KATNAL2: variants seen among roughly 807,000 people sequenced by gnomAD.
KATNAL2 encodes the protein katanin p60 ATPase-containing subunit A-like 2.
In KATNAL2, 52 loss-of-function variants were observed where a neutral mutation model predicts 76.3. That is an observed-to-expected ratio of 0.68 (90% CI 0.55 to 0.86). The LOEUF is 0.86. Ranked by LOEUF, KATNAL2 falls within the 40% of genes least tolerant of loss-of-function variation. The pLI is 0.00. For synonymous variants in KATNAL2, 243 were observed against 244.2 expected, an observed-to-expected ratio of 1.00 and a Z score of 0.05; for missense variants, 660 against 668.9, an observed-to-expected ratio of 0.99 and a Z score of 0.15.
At chr18:47,069,453 C>G in intron 12 of KATNAL2, 29 bp from the exon 13 acceptor site, 1 of 1,546,376 alleles carries the variant, frequency 6.5e-7, no homozygotes, top group East Asian at 2.3e-5. Flanking sequence ...GTTGAAATGC[C>G]TGCTCATCTT....
chr18:47,098,874 C>G (rs12953864), intron 15 of KATNAL2: 101,212 of 180,472 alleles, frequency 0.56, 28,716 homozygotes, highest in Middle Eastern at 0.61. Flanking sequence ...CAACTGCAAT[C>G]AGAATACTCA....
At chr18:47,045,329 C>CTTTTCTTTTCTTTT in intron 3 of KATNAL2, among the ~76,000 whole-genome samples, 1 of 139,520 alleles carries the variant, frequency 7.2e-6, no homozygotes, top group African/African-American at 2.6e-5. Context: ...CTTTTCTTTT[C>CTTTTCTTTTCTTTT]TTTTTTTTTT....
intron 4 of KATNAL2, among the ~76,000 whole-genome samples, chr18:47,049,392 A>C (rs2061271054): frequency 6.6e-6 from 1 of 152,214 alleles, no homozygotes; most frequent in Non-Finnish European, 1.5e-5. Context: ...ACTTAAAGAA[A>C]CTGGAATGTG....
rs538241202 is a variant in KATNAL2, at chr18:47,044,629, C to T, written c.52-1828C>T. 3.3e-4 allele frequency among the ~76,000 whole-genome samples: 50 copies of T among 151,864 alleles called. No homozygotes were observed. In the South Asian group the frequency reaches 3.3e-3, roughly 10 times the overall value. ...TACAGAAATTAGCCGGGTGTGGTAG[C>T]GGGCTTCTGTAATCCCAGCTACTCA... On this transcript the variant is annotated intron_variant, in intron 3 of 17. Coordinates refer to ENST00000683218, the MANE Select transcript of KATNAL2 (RefSeq NM_001387690.1).
At chr18:47,031,594 A>C (rs565183055) in intron 3 of KATNAL2, among the ~76,000 whole-genome samples, 3 of 152,164 alleles carry the variant, frequency 2.0e-5, no homozygotes, top group African/African-American at 4.8e-5. Context: ...ACTTCCAGCT[A>C]CTTCTCCAGG....
intron 2 of KATNAL2, 30 bp from the exon 3 acceptor site, chr18:46,946,824 A>G (rs1297985869): frequency 2.0e-6 from 3 of 1,524,196 alleles, no homozygotes; most frequent in Admixed American, 3.9e-5. Flanking sequence ...CGGTCAGCCC[A>G]GTAACTGACT....
At chr18:47,073,190 A>C (rs537123191) in intron 13 of KATNAL2, among the ~76,000 whole-genome samples, 7 of 152,258 alleles carry the variant, frequency 4.6e-5, no homozygotes, top group African/African-American at 1.4e-4. Context: ...TAAAATAAAC[A>C]TTTGTCAATC....
intron 8 of KATNAL2, 82 bp downstream of exon 8, chr18:47,059,736 G>A: frequency 2.9e-6 from 3 of 1,034,670 alleles, no homozygotes; most frequent in South Asian, 2.7e-5. Context: ...CATTATTTTT[G>A]TCAAACAGGA....
chr18:47,098,284 GAAGA>G (rs1461790301), intron 15 of KATNAL2: 3 of 295,916 alleles, frequency 1.0e-5, no homozygotes, highest in Non-Finnish European at 1.4e-5. Context: ...CCAAGACTGG[GAAGA>G]AAAAAAAATT....
intron 1 of KATNAL2, among the ~76,000 whole-genome samples, chr18:46,925,315 C>T (rs546104391): frequency 7.9e-4 from 120 of 152,192 alleles, no homozygotes; most frequent in Non-Finnish European, 1.4e-3. Context: ...TTGTCAAAGG[C>T]CTTTTCTGCA....
Position 46,917,928 on chromosome 18 carries a change from T to C in KATNAL2, c.-510+2T>C, listed in dbSNP as rs1241824282. The C allele has an allele frequency of 6.6e-6, 1 of 152,164 alleles. No homozygotes were observed. The highest frequency in any genetic ancestry group is 2.4e-5 in the African/African-American group (1 of 41,426). 9.4% of individuals were successfully genotyped at this position (152,164 alleles called of 1,614,324 possible). A position where few individuals can be genotyped will look rare whatever the true frequency, so the allele number is the denominator to read the frequency against. ...GAATAATCTAAATATGGGTGTTGGGTAAGCTATTGTTCCCATCTAATGGTG... is the reference window on the plus strand; with the variant it reads ...GAATAATCTAAATATGGGTGTTGGGCAAGCTATTGTTCCCATCTAATGGTG... On this transcript the variant is annotated splice_donor_variant, in intron 1 of 17. Coordinates refer to ENST00000683218, the MANE Select transcript of KATNAL2 (RefSeq NM_001387690.1). LOFTEE classifies it low-confidence loss of function (5UTR_SPLICE).
intron 13 of KATNAL2, among the ~76,000 whole-genome samples, 168 bp from the exon 14 acceptor site, chr18:47,075,109 T>C (rs897289867): frequency 3.3e-5 from 5 of 152,168 alleles, no homozygotes; most frequent in African/African-American, 9.7e-5. Context: ...TCCAACCCCA[T>C]GGGGTGAAGG....
intron 3 of KATNAL2, among the ~76,000 whole-genome samples, chr18:46,947,418 T>G (rs1402817584): frequency 1.3e-5 from 2 of 152,104 alleles, no homozygotes; most frequent in Non-Finnish European, 2.9e-5. Context: ...GGAATTGGAC[T>G]GTAATCTTTT....
intron 5 of KATNAL2, 124 bp from the exon 6 acceptor site, chr18:47,054,272 A>T (rs1282974214): frequency 2.5e-6 from 2 of 806,354 alleles, no homozygotes; most frequent in Non-Finnish European, 4.2e-6. Flanking sequence ...TAAAGTCTCT[A>T]GATTCCAATT....
rs113153668 is a variant in KATNAL2, at chr18:46,919,209, A to G, written c.-510+1283A>G. Among the ~76,000 whole-genome samples the G allele has an allele frequency of 3.7e-3, 555 of 152,000 alleles. 3 individuals are homozygous for G. The highest frequency in any genetic ancestry group is 0.012 in the African/African-American group (487 of 41,454). On this transcript the variant is annotated intron_variant, in intron 1 of 17. Transcript: ENST00000683218. ...CTACTAAAAATACAAAAATTAGGCC[A>G]GGAGCTGTGGCCCACGCTCTAAATT...
intron 3 of KATNAL2, among the ~76,000 whole-genome samples, chr18:46,947,424 C>G (rs966752411): frequency 6.6e-6 from 1 of 152,084 alleles, no homozygotes; most frequent in Non-Finnish European, 1.5e-5. Context: ...GGACTGTAAT[C>G]TTTTTCACAC....
chr18:46,951,935 G>A (rs987528736), intron 3 of KATNAL2, among the ~76,000 whole-genome samples: 11 of 151,954 alleles, frequency 7.2e-5, no homozygotes, highest in African/African-American at 2.7e-4. Flanking sequence ...CACCATGCCC[G>A]GCTAACTTTC....
chr18:47,099,622 T>A (rs2063387535), intron 16 of KATNAL2, among the ~76,000 whole-genome samples: 1 of 152,314 alleles, frequency 6.6e-6, no homozygotes, highest in African/African-American at 2.4e-5. Context: ...GGAAACAGCA[T>A]AGGGTTTAGA....
rs2146716438 is a variant in KATNAL2 at position 46,952,983 on chromosome 18, C to T, written c.51+6060C>T. Among the ~76,000 whole-genome samples, 4 of 150,350 alleles carry T rather than the reference C, an allele frequency of 2.7e-5. No homozygotes were observed. In the South Asian group the frequency reaches 8.5e-4, roughly 32 times the overall value. On this transcript the variant is annotated intron_variant, in intron 3 of 17. Transcript: ENST00000683218. ...GATCTCGGCTCACTGCAACCTCTGC[C>T]TCTCAGGTTCAACCGATTCTCCTGA...
Sources: gnomAD v4.1 joint callset for allele counts (sites outside exome capture counted in the v4.1 genomes callset) on GRCh38, gnomAD v4.1.1 for gene constraint, MANE v1.5 for transcripts, NCBI Gene and HGNC (gene_info 2026-07-23, HGNC 2026-07-21) for gene names.